Variants in CNKSR2 observed in about 807,000 individuals in gnomAD.
CNKSR2 encodes connector enhancer of kinase suppressor of Ras 2.
CNKSR2 carries 14 observed loss-of-function variants against 84.4 expected under a neutral mutation model. The observed-to-expected ratio is 0.17, with a 90% CI of 0.11 to 0.26. CNKSR2 has a LOEUF of 0.26. Ranked by LOEUF, CNKSR2 falls within the 10% of genes least tolerant of loss-of-function variation. The pLI, the probability that CNKSR2 is intolerant of heterozygous loss-of-function variation, is 1.00. For missense variants in CNKSR2, 485 were observed against 771.2 expected (o/e 0.63, Z 4.40); for synonymous variants, 275 against 277.9 (o/e 0.99, Z 0.10).
At chrX:21,458,652 G>T (rs189199082) in intron 4 of CNKSR2, among the ~76,000 whole-genome samples, 93 of 111,636 alleles carry the variant, frequency 8.3e-4, no homozygotes, top group African/African-American at 2.8e-3. Context: ...GTTAACATTT[G>T]TCACATAGTG....
intron 13 of CNKSR2, among the ~76,000 whole-genome samples, chrX:21,576,971 G>A (rs1252448074): frequency 3.6e-5 from 4 of 111,476 alleles, no homozygotes; most frequent in South Asian, 7.4e-4. Context: ...TATGTTCTGC[G>A]CTGCTTTTAA....
At chrX:21,395,473 T>C (rs1395967948) in intron 1 of CNKSR2, among the ~76,000 whole-genome samples, 1 of 111,269 alleles carries the variant, frequency 9.0e-6, no homozygotes, top group Non-Finnish European at 1.9e-5. Context: ...ATTTGGATTT[T>C]TTGGGATGAT....
chrX:21,442,569 A>G (rs2090798514), intron 4 of CNKSR2, among the ~76,000 whole-genome samples: 1 of 112,149 alleles, frequency 8.9e-6, no homozygotes, highest in African/African-American at 3.2e-5. Context: ...CTTAAAATAC[A>G]TGGGGCAAGG....
At chrX:21,574,894 C>G (rs2147216609) in intron 13 of CNKSR2, among the ~76,000 whole-genome samples, 1 of 111,940 alleles carries the variant, frequency 8.9e-6, no homozygotes, top group South Asian at 3.8e-4. Flanking sequence ...TATAAGTTAT[C>G]ATTAGACTTC....
At chrX:21,636,917 C>G (rs946907892) in intron 20 of CNKSR2, among the ~76,000 whole-genome samples, 1 of 111,388 alleles carries the variant, frequency 9.0e-6, no homozygotes, top group African/African-American at 3.3e-5. Flanking sequence ...TTTGCAATGA[C>G]AGTATCATGT....
chrX:21,595,131 G>A (rs2092444549), intron 16 of CNKSR2, 84 bp downstream of exon 16: 3 of 786,012 alleles, frequency 3.8e-6, no homozygotes, highest in Non-Finnish European at 3.7e-6. Flanking sequence ...CTCATTTAAT[G>A]CTTTCACATT....
At chrX:21,590,909 C>T in intron 14 of CNKSR2, 113 bp from the exon 15 acceptor site, 1 of 640,659 alleles carries the variant, frequency 1.6e-6, no homozygotes. Context: ...TAGTCTAATA[C>T]AATATAAAAA....
At chrX:21,534,138 A>G (rs1459492744) in intron 11 of CNKSR2, among the ~76,000 whole-genome samples, 11 of 109,802 alleles carry the variant, frequency 1.0e-4, no homozygotes, top group South Asian at 7.7e-4. Context: ...TCTACTCTCT[A>G]TGAGCTCAAA....
intron 4 of CNKSR2, among the ~76,000 whole-genome samples, chrX:21,456,426 G>T (rs1601813284): frequency 9.0e-6 from 1 of 111,278 alleles, no homozygotes; most frequent in Admixed American, 9.5e-5. Context: ...GTTTGACTTC[G>T]TTTTTTAGAT....
chrX:21,425,012 TCTC>T (rs1341824857), intron 1 of CNKSR2: 4 of 111,707 alleles, frequency 3.6e-5, no homozygotes, highest in South Asian at 3.8e-4. Context: ...ACACCCATCT[TCTC>T]CTCCTTCCCT....
intron 13 of CNKSR2, among the ~76,000 whole-genome samples, chrX:21,570,438 C>T (rs762890125): frequency 8.9e-6 from 1 of 112,120 alleles, no homozygotes; most frequent in East Asian, 2.8e-4. Context: ...AGAGTTAGGG[C>T]CTTGCTCTGG....
intron 11 of CNKSR2, among the ~76,000 whole-genome samples, chrX:21,544,588 G>A (rs1041256929): frequency 5.4e-5 from 6 of 111,919 alleles, no homozygotes; most frequent in Non-Finnish European, 9.4e-5. Flanking sequence ...AAGAACTTTC[G>A]GTGGCTGGCA....
chrX:21,488,250 G>A (rs1023646653), intron 5 of CNKSR2, among the ~76,000 whole-genome samples: 2 of 111,898 alleles, frequency 1.8e-5, no homozygotes, highest in Non-Finnish European at 3.8e-5. Context: ...TTTAAGGGTT[G>A]AGAAAGCAAC....
At chrX:21,579,544 G>A (rs1052807859) in intron 13 of CNKSR2, among the ~76,000 whole-genome samples, 1 of 111,972 alleles carries the variant, frequency 8.9e-6, no homozygotes, top group Non-Finnish European at 1.9e-5. Context: ...TCTTCACTTA[G>A]TTGCATTTTA....
chrX:21,619,093 AC>A (rs1241924668), intron 20 of CNKSR2, among the ~76,000 whole-genome samples: 1 of 112,053 alleles, frequency 8.9e-6, no homozygotes, highest in African/African-American at 3.2e-5. Context: ...AATTTATAAG[AC>A]TAGTTAAAAT....
intron 4 of CNKSR2, among the ~76,000 whole-genome samples, chrX:21,454,838 T>C (rs1020347680): frequency 2.7e-5 from 3 of 111,949 alleles, no homozygotes; most frequent in African/African-American, 9.7e-5. Flanking sequence ...TATAATACAC[T>C]TGGGAGGCAG....
At chrX:21,546,300 A>G (rs780778550) in intron 11 of CNKSR2, among the ~76,000 whole-genome samples, 4 of 108,759 alleles carry the variant, frequency 3.7e-5, no homozygotes, top group Admixed American at 1.0e-4. Flanking sequence ...AGCAGAATCT[A>G]TCAAGCAGAA....
intron 4 of CNKSR2, among the ~76,000 whole-genome samples, chrX:21,457,282 C>G (rs2091006593): frequency 9.0e-6 from 1 of 111,326 alleles, no homozygotes; most frequent in Non-Finnish European, 1.9e-5. Context: ...TTATATTGTA[C>G]TATATACACA....
At chrX:21,617,827 A>C (rs1402004777) in intron 20 of CNKSR2, among the ~76,000 whole-genome samples, 1 of 110,517 alleles carries the variant, frequency 9.0e-6, no homozygotes, top group Non-Finnish European at 1.9e-5. Flanking sequence ...ACCTTTTCAA[A>C]AACAATAGGA....
Sources: allele counts gnomAD v4.1 joint callset (sites outside exome capture counted in the v4.1 genomes callset), GRCh38; gene constraint gnomAD v4.1.1; transcripts MANE v1.5; gene names NCBI Gene and HGNC (gene_info 2026-07-23, HGNC 2026-07-21).